Variants in NBEAL1 observed in about 807,000 individuals in gnomAD.
NBEAL1 encodes the protein neurobeachin-like protein 1.
A neutral mutation model predicts 351.3 loss-of-function variants in NBEAL1; 273 were observed. The ratio of observed to expected loss-of-function variants is 0.78; its 90% CI spans 0.70 to 0.86. The LOEUF (loss-of-function observed/expected upper bound fraction) is 0.86, where lower values mean the gene tolerates loss of function less well. Among genes scored for constraint, NBEAL1 ranks in the 40% least tolerant of loss-of-function variants. The pLI is 0.00. For synonymous variants in NBEAL1, 1,050 were observed against 1,086.4 expected (o/e 0.97, Z 0.66); for missense variants, 2,961 against 3,201.3 (o/e 0.92, Z 1.81).
chr2:203,142,207 G>A (rs1396785576), intron 31 of NBEAL1, among the ~76,000 whole-genome samples: 1 of 152,190 alleles, frequency 6.6e-6, no homozygotes, highest in Non-Finnish European at 1.5e-5. Flanking sequence ...CCATGGTGGA[G>A]TGCAGTGGCA....
intron 36 of NBEAL1, 96 bp downstream of exon 36, chr2:203,157,921 G>T: frequency 1.0e-6 from 1 of 992,860 alleles, no homozygotes; most frequent in East Asian, 2.9e-5. Context: ...TGTATTTCCA[G>T]GGTCCAACAG....
intron 2 of NBEAL1, among the ~76,000 whole-genome samples, chr2:203,022,872 G>A (rs2105996371): frequency 6.6e-6 from 1 of 152,022 alleles, no homozygotes; most frequent in South Asian, 2.1e-4. Context: ...TGATTTGAGG[G>A]TCCTCCCTAC....
At chr2:203,105,880 A>T (rs2062425854) in intron 12 of NBEAL1, among the ~76,000 whole-genome samples, 1 of 152,238 alleles carries the variant, frequency 6.6e-6, no homozygotes, top group Non-Finnish European at 1.5e-5. Context: ...TCATGAGTTT[A>T]AAAAATTAAG....
At chr2:203,179,244 A>T (rs908004076) in intron 42 of NBEAL1, among the ~76,000 whole-genome samples, 2 of 152,220 alleles carry the variant, frequency 1.3e-5, no homozygotes, top group Non-Finnish European at 1.5e-5. Context: ...GCATAATACA[A>T]TTGCAGCATA....
chr2:203,029,523 C>G (rs977791295), intron 2 of NBEAL1, among the ~76,000 whole-genome samples: 31 of 152,164 alleles, frequency 2.0e-4, no homozygotes, highest in African/African-American at 7.5e-4. Context: ...TGAAACCTGC[C>G]TCTACAGATA....
At chr2:203,105,557 C>G (rs2062419132) in intron 12 of NBEAL1, among the ~76,000 whole-genome samples, 1 of 151,948 alleles carries the variant, frequency 6.6e-6, no homozygotes, top group South Asian at 2.1e-4. Context: ...TGATGTATCT[C>G]CAAGTTTTAA....
At chr2:203,216,752 CAAAA>C (rs1180359143) in intron 55 of NBEAL1, among the ~76,000 whole-genome samples, 3 of 152,020 alleles carry the variant, frequency 2.0e-5, no homozygotes, top group African/African-American at 7.3e-5. Context: ...TTCTCAAAGA[CAAAA>C]TAAGTGTAAA....
intron 16 of NBEAL1, among the ~76,000 whole-genome samples, chr2:203,112,603 G>A (rs1325724516): frequency 6.6e-6 from 1 of 152,112 alleles, no homozygotes; most frequent in East Asian, 1.9e-4. Context: ...TCAAGTCCAA[G>A]GATTCAAGTA....
rs1313412189 is a variant in NBEAL1 at position 203,224,304 on chromosome 2, G to A, written c.*6950G>A. 4.6e-5 allele frequency among the ~76,000 whole-genome samples: 7 copies of A among 151,978 alleles called. No individual in the cohort carries two copies. ...AAACTTCTTAGAAAACTATGTGGCTGGTTGGTTCCATTTAGAAACTCTTAA... is the reference window on the plus strand; with the variant it reads ...AAACTTCTTAGAAAACTATGTGGCTAGTTGGTTCCATTTAGAAACTCTTAA... On this transcript the variant is annotated 3_prime_UTR_variant, in exon 56 of 56. Coordinates refer to ENST00000683969, the MANE Select transcript of NBEAL1 (RefSeq NM_001378026.1).
chr2:203,057,989 G>C (rs2061433282), intron 6 of NBEAL1, among the ~76,000 whole-genome samples: 1 of 151,840 alleles, frequency 6.6e-6, no homozygotes, highest in South Asian at 2.1e-4. Flanking sequence ...GATTACAGGA[G>C]TGCACCACTG....
intron 2 of NBEAL1, among the ~76,000 whole-genome samples, chr2:203,025,499 G>C (rs540852399): frequency 6.6e-6 from 1 of 151,908 alleles, no homozygotes; most frequent in Non-Finnish European, 1.5e-5. Context: ...GCAAAATTAC[G>C]TTGCAAGTTT....
In NBEAL1 at chr2:203,125,988, A is replaced by C. The variant is rs1434442262; in HGVS notation, c.2880A>C (p.Ala960=). The C allele has an allele frequency of 2.6e-6, 4 of 1,539,622 alleles. No individual in the cohort carries two copies. Among genetic ancestry groups the C allele is most frequent in the Non-Finnish European group, 3.5e-6 (4 of 1,142,598 alleles). Residue 960 remains alanine, a synonymous_variant, in exon 21 of 56, where the codon GCA becomes GCC. Coordinates refer to ENST00000683969, the MANE Select transcript of NBEAL1 (RefSeq NM_001378026.1). ...SESRLERNLV[A]TFILIVKHFI... ...CAAGACTAGAGAGAAACCTAGTTGC[A>C]ACATTTATCTTAATTGTGAAACATT...
rs1196919773 is a variant in NBEAL1, at chr2:203,220,713, A to G, written c.*3359A>G. Among the ~76,000 whole-genome samples, 1 of 152,212 alleles carries G rather than the reference A, an allele frequency of 6.6e-6. No individual in the cohort carries two copies. ...AATTTTTTTACAACTGTTTGCAATCAGTATTCTGGCATTACTCAGATAAAA... is the reference window on the plus strand; with the variant it reads ...AATTTTTTTACAACTGTTTGCAATCGGTATTCTGGCATTACTCAGATAAAA... On this transcript the variant is annotated 3_prime_UTR_variant, in exon 56 of 56. Coordinates refer to ENST00000683969, the MANE Select transcript of NBEAL1 (RefSeq NM_001378026.1).
intron 46 of NBEAL1, among the ~76,000 whole-genome samples, chr2:203,192,316 T>C (rs1377050685): frequency 1.3e-5 from 2 of 152,206 alleles, no homozygotes; most frequent in African/African-American, 2.4e-5. Context: ...TTAGTTTTTA[T>C]TGTGATGAAA....
chr2:203,117,167 C>T (rs551164817), intron 18 of NBEAL1, among the ~76,000 whole-genome samples: 73 of 151,210 alleles, frequency 4.8e-4, no homozygotes, highest in African/African-American at 1.6e-3. Flanking sequence ...AAAAGATATA[C>T]AAAAATGTAT....
intron 21 of NBEAL1, 103 bp downstream of exon 21, chr2:203,126,196 A>G (rs1289954935): frequency 8.4e-6 from 10 of 1,187,470 alleles, no homozygotes; most frequent in East Asian, 2.7e-5. Context: ...GATTATTACA[A>G]CTTGAATTAT....
intron 42 of NBEAL1, among the ~76,000 whole-genome samples, chr2:203,176,530 G>T (rs532185254): frequency 6.6e-6 from 1 of 152,000 alleles, no homozygotes; most frequent in South Asian, 2.1e-4. Context: ...TTCAAGACCA[G>T]CCTGGCCTGG....
chr2:203,062,310 A>G lies in NBEAL1; in HGVS notation c.515+4857A>G, dbSNP rs751371685. 3 of 481,354 alleles carry G rather than the reference A, an allele frequency of 6.2e-6. No individual in the cohort carries two copies. The highest frequency in any genetic ancestry group is 1.3e-5 in the Non-Finnish European group (3 of 239,098). 29.8% of individuals were successfully genotyped at this position (481,354 alleles called of 1,614,324 possible). A position where few individuals can be genotyped will look rare whatever the true frequency, so the allele number is the denominator to read the frequency against. ...AATTCCTGAAGGTTTCCTGCGTCACATCTCTATAAGAGTTTCTTCTGGGAA... is the reference window on the plus strand; with the variant it reads ...AATTCCTGAAGGTTTCCTGCGTCACGTCTCTATAAGAGTTTCTTCTGGGAA... On this transcript the variant is annotated intron_variant, in intron 6 of 55. Coordinates refer to ENST00000683969, the MANE Select transcript of NBEAL1 (RefSeq NM_001378026.1). This position sits in a 1 kb window ranked among gnomAD's most constrained non-coding sequence, Gnocchi z 4.2.
rs1448237738 is a variant in NBEAL1, at chr2:203,173,657, A to G, written c.6323+804A>G. Among the ~76,000 whole-genome samples, 3 of 152,054 alleles carry G rather than the reference A, an allele frequency of 2.0e-5. No individual in the cohort carries two copies. The South Asian group carries it at 6.2e-4, about 32-fold the overall frequency. ...ATATATGTATACCATCACTGCCATT[A>G]GTCAAACTTTTTTTTCTGATAATAA... On this transcript the variant is annotated intron_variant, in intron 41 of 55. Transcript: ENST00000683969.
Sources: allele counts gnomAD v4.1 joint callset (sites outside exome capture counted in the v4.1 genomes callset), GRCh38; gene constraint gnomAD v4.1.1; non-coding constraint Gnocchi (gnomAD v3.1); transcripts MANE v1.5; gene names NCBI Gene and HGNC (gene_info 2026-07-23, HGNC 2026-07-21).